The following ZNF234 variants were observed in gnomAD, a reference collection of about 807,000 sequenced individuals.
ZNF234 encodes C2-H2 type zinc finger protein.
Under a neutral mutation model 10.3 loss-of-function variants are expected in ZNF234, and 4 were observed. The observed-to-expected ratio is 0.39, with a 90% confidence interval of 0.19 to 0.89. The LOEUF (loss-of-function observed/expected upper bound fraction) is 0.89. Among genes scored for constraint, ZNF234 ranks in the 40% least tolerant of loss-of-function variants. The pLI is 0.38. For synonymous variants in ZNF234, 258 were observed against 280.1 expected, an observed-to-expected ratio of 0.92 and a Z score of 0.79; for missense variants, 711 against 836.1, an observed-to-expected ratio of 0.85 and a Z score of 1.85.
chr19:44,147,868 A>C (rs2147610557), intron 3 of ZNF234, among the ~76,000 whole-genome samples: 1 of 152,256 alleles, frequency 6.6e-6, no homozygotes, highest in Admixed American at 6.5e-5. Flanking sequence ...AAAGAAAAAA[A>C]AAAGGAAAGA....
At chr19:44,143,602 C>T (rs1409666449) in intron 2 of ZNF234, among the ~76,000 whole-genome samples, 2 of 138,298 alleles carry the variant, frequency 1.4e-5, no homozygotes, top group African/African-American at 5.6e-5. Context: ...GCGCAAGACT[C>T]TGTCTCAGAA....
chr19:44,156,449 C>A lies in ZNF234; in HGVS notation c.433C>A (p.Gln145Lys). 1 of 1,613,518 alleles carries A rather than the reference C, an allele frequency of 6.2e-7. No homozygotes were observed. Among genetic ancestry groups the A allele is most frequent in the Non-Finnish European group, 8.5e-7 (1 of 1,179,718 alleles). Residue 145 changes from glutamine to lysine, a missense_variant, in exon 6 of 6, where the codon CAG becomes AAG. Physicochemically the swap from Gln to Lys is moderately conservative, Grantham distance 53. Coordinates refer to ENST00000426739, the MANE Select transcript of ZNF234 (RefSeq NM_006630.3). ...RAGLYTTHTG[Q>K]KFYQCDEYKK... is the part of the protein sequence containing the mutation. ...AGGACTATATACAACTCACACAGGA[C>A]AGAAATTTTACCAATGTGATGAGTA...
chr19:44,156,207 A>C (rs1248960941), intron 5 of ZNF234, 45 bp from the exon 6 acceptor site: 3 of 1,508,032 alleles, frequency 2.0e-6, no homozygotes, highest in Non-Finnish European at 2.7e-6. Context: ...CATCTTGAAA[A>C]CTTTTAACAG....
chr19:44,147,385 C>CTT (rs1968625180), intron 3 of ZNF234, among the ~76,000 whole-genome samples: 2 of 151,798 alleles, frequency 1.3e-5, no homozygotes, highest in Admixed American at 1.3e-4. Context: ...CACAGGCACA[C>CTT]GCCACCACAT....
Position 44,148,756 on chromosome 19 carries a change from T to A in ZNF234, c.16-15T>A. On this transcript the variant is annotated splice_polypyrimidine_tract_variant and intron_variant, in intron 3 of 5. Coordinates refer to ENST00000426739, the MANE Select transcript of ZNF234 (RefSeq NM_006630.3). ...TTGTTAAAAAGGCTGAAGTAAGGTG[T>A]GTTTGATGTTATAGGAGGGACTGAC... 6.2e-7 allele frequency: 1 copy of A among 1,612,892 alleles called. No homozygotes were observed. The highest frequency in any genetic ancestry group is 8.5e-7 in the Non-Finnish European group (1 of 1,179,272).
chr19:44,145,776 G>A (rs1968575799), intron 3 of ZNF234, among the ~76,000 whole-genome samples: 1 of 152,210 alleles, frequency 6.6e-6, no homozygotes, highest in African/African-American at 2.4e-5. Context: ...TTTCATATAG[G>A]AAGAGCTAGA....
rs559198792 is a variant in ZNF234 at position 44,159,845 on chromosome 19, C to T, written c.*1726C>T. ...GGTCAGGACTTAGAGACCAGCCTGA[C>T]CAACATGGTGAAACCCCATCTCTAC... On this transcript the variant is annotated 3_prime_UTR_variant, in exon 6 of 6. Transcript: ENST00000426739. 9 of 205,422 alleles carry T rather than the reference C, an allele frequency of 4.4e-5. No individual in the cohort carries two copies. The East Asian group carries it at 8.0e-4, about 18-fold the overall frequency. 12.7% of individuals were successfully genotyped at this position (205,422 alleles called of 1,614,324 possible).
chr19:44,151,594 C>A (rs1214797885), intron 5 of ZNF234, among the ~76,000 whole-genome samples: 1 of 152,124 alleles, frequency 6.6e-6, no homozygotes, highest in Non-Finnish European at 1.5e-5. Context: ...TGTTTGAAGT[C>A]CAACATGGGT....
Position 44,157,671 on chromosome 19 carries a change from G to A in ZNF234, c.1655G>A (p.Ser552Asn). Residue 552 changes from serine to asparagine, a missense_variant, in exon 6 of 6, where the codon AGT becomes AAT. Physicochemically the swap from Ser to Asn is conservative, Grantham distance 46. Coordinates refer to ENST00000426739, the MANE Select transcript of ZNF234 (RefSeq NM_006630.3). ...GAGTGTGGGAAGAGCTTCAGTCGGA[G>A]TGCACACCTTCAAGCCCATCAAAAA... ...CEECGKSFSR[S>N]AHLQAHQKVH... The A allele has an allele frequency of 6.2e-7, 1 of 1,614,006 alleles. No homozygotes were observed. Among genetic ancestry groups the A allele is most frequent in the South Asian group, 1.1e-5 (1 of 91,066 alleles).
Position 44,157,071 on chromosome 19 carries a change from G to A in ZNF234, c.1055G>A (p.Cys352Tyr), listed in dbSNP as rs777795041. Residue 352 changes from cysteine (C) to tyrosine (Y), a missense_variant, in exon 6 of 6, where the codon TGC becomes TAC. By Grantham distance (194) the Cys-to-Tyr change is radical (BLOSUM62 -2). Transcript: ENST00000426739. ...KPYKCEECGK[C>Y]FIQPSQFQAH... ...TACAAGTGTGAAGAATGTGGTAAGTGCTTTATTCAGCCTTCACAATTTCAG... is the reference window on the plus strand; with the variant it reads ...TACAAGTGTGAAGAATGTGGTAAGTACTTTATTCAGCCTTCACAATTTCAG... 11 of 1,614,094 alleles carry A rather than the reference G, an allele frequency of 6.8e-6. No individual in the cohort carries two copies. Among genetic ancestry groups the A allele is most frequent in the Non-Finnish European group, 9.3e-6 (11 of 1,179,988 alleles).
intron 5 of ZNF234, 143 bp from the exon 6 acceptor site, chr19:44,156,109 G>A (rs1968872580): frequency 1.5e-6 from 1 of 682,304 alleles, no homozygotes; most frequent in Non-Finnish European, 2.3e-6. Flanking sequence ...ATGGAAATCA[G>A]AGATCATGAT....
intron 2 of ZNF234, among the ~76,000 whole-genome samples, chr19:44,143,470 G>A (rs555977993): frequency 1.3e-5 from 2 of 151,066 alleles, no homozygotes; most frequent in East Asian, 3.9e-4. Context: ...TTAGCCGGGC[G>A]TGTTGGCGGG....
chr19:44,153,398 G>C (rs1968796880), intron 5 of ZNF234, among the ~76,000 whole-genome samples: 1 of 151,936 alleles, frequency 6.6e-6, no homozygotes, highest in Non-Finnish European at 1.5e-5. Flanking sequence ...TGTCTGTATA[G>C]ATTGATATTA....
In ZNF234 at chr19:44,149,011, C is replaced by T. The variant is rs1023979093; in HGVS notation, c.142+114C>T. On this transcript the variant is annotated intron_variant, in intron 4 of 5. Transcript: ENST00000426739. ...TAGTCGCCTACATTTGTAGACCTGACTTTCCTATCAGTAGTTTTTAGTGAA... is the reference window on the plus strand; with the variant it reads ...TAGTCGCCTACATTTGTAGACCTGATTTTCCTATCAGTAGTTTTTAGTGAA... 12 of 1,265,436 alleles carry T rather than the reference C, an allele frequency of 9.5e-6. No homozygotes were observed. The African/African-American group carries it at 1.8e-4, about 19-fold the overall frequency. 78.4% of individuals were successfully genotyped at this position (1,265,436 alleles called of 1,614,324 possible). A position where few individuals can be genotyped will look rare whatever the true frequency, so the allele number is the denominator to read the frequency against.
intron 2 of ZNF234, among the ~76,000 whole-genome samples, chr19:44,143,684 C>T (rs1018138688): frequency 3.3e-5 from 5 of 151,560 alleles, no homozygotes; most frequent in Admixed American, 6.6e-5. Flanking sequence ...TGGTAGTGCG[C>T]GCCTGTAATC....
rs11668974 is a variant in ZNF234, at chr19:44,156,638, G to A, written c.622G>A (p.Val208Met). Residue 208 changes from valine (V) to methionine (M), a missense_variant, in exon 6 of 6, where the codon GTG becomes ATG. Coordinates refer to ENST00000426739, the MANE Select transcript of ZNF234 (RefSeq NM_006630.3). ...GGGAGAGAAATGCTATAAGTGTGACGTGTGTGGTAAGGAATTTAGTCAGAG... is the reference window on the plus strand; with the variant it reads ...GGGAGAGAAATGCTATAAGTGTGACATGTGTGGTAAGGAATTTAGTCAGAG... ...HMGEKCYKCD[V>M]CGKEFSQSSH... 40,055 of 1,614,170 alleles carry A rather than the reference G, an allele frequency of 0.025. 594 individuals carry two copies. The highest frequency in any genetic ancestry group is 0.028 in the Non-Finnish European group (33,518 of 1,180,032).
Position 44,150,507 on chromosome 19 carries a change from T to A in ZNF234, c.235+2T>A. ...CAACTCAAAGAAAAGGGAAATCAGGTAAGAACCAAGCAGCTAAGAGTCCTT... is the reference window on the plus strand; with the variant it reads ...CAACTCAAAGAAAAGGGAAATCAGGAAAGAACCAAGCAGCTAAGAGTCCTT... On this transcript the variant is annotated splice_donor_variant, in intron 5 of 5. Transcript: ENST00000426739. LOFTEE classifies it high-confidence loss of function. The A allele has an allele frequency of 5.1e-6, 8 of 1,574,726 alleles. No individual in the cohort carries two copies. The highest frequency in any genetic ancestry group is 6.9e-6 in the Non-Finnish European group (8 of 1,159,548).
At chr19:44,155,588 A>G (rs1968858366) in intron 5 of ZNF234, among the ~76,000 whole-genome samples, 1 of 152,214 alleles carries the variant, frequency 6.6e-6, no homozygotes, top group African/African-American at 2.4e-5. Flanking sequence ...AAGTGAACAC[A>G]TGCAGGTCAA....
intron 3 of ZNF234, among the ~76,000 whole-genome samples, chr19:44,147,238 GTTTAA>G (rs1019987825): frequency 1.3e-5 from 2 of 151,950 alleles, no homozygotes; most frequent in African/African-American, 2.4e-5. Context: ...CAGTTATTTA[GTTTAA>G]TTTATTTTTT....
Sources: allele counts gnomAD v4.1 joint callset (sites outside exome capture counted in the v4.1 genomes callset), GRCh38; gene constraint gnomAD v4.1.1; transcripts MANE v1.5; gene names NCBI Gene and HGNC (gene_info 2026-07-23, HGNC 2026-07-21).